Variants in TANC2 observed in about 807,000 individuals in gnomAD.
The protein encoded by TANC2 is tetratricopeptide repeat, ankyrin repeat and coiled-coil containing 2.
A neutral mutation model predicts 210.5 loss-of-function variants in TANC2; 26 were observed. The observed-to-expected ratio is 0.12, with a 90% CI of 0.09 to 0.17. TANC2 has a LOEUF of 0.17. Ranked by LOEUF, TANC2 falls within the 10% of genes least tolerant of loss-of-function variation. The pLI is 1.00. For missense variants in TANC2, 2,129 were observed against 2,608.9 expected, an observed-to-expected ratio of 0.82 and a Z score of 4.01; for synonymous variants, 931 against 967.1, an observed-to-expected ratio of 0.96 and a Z score of 0.69.
intron 5 of TANC2, 166 bp from the exon 6 acceptor site, chr17:63,193,825 G>A (rs914497400): frequency 1.3e-5 from 8 of 616,266 alleles, no homozygotes; most frequent in African/African-American, 5.7e-5. Context: ...ACTTGGAAGC[G>A]AATTTATATT....
intron 5 of TANC2, among the ~76,000 whole-genome samples, chr17:63,164,354 T>C (rs1182101887): frequency 6.6e-6 from 1 of 152,060 alleles, no homozygotes; most frequent in Non-Finnish European, 1.5e-5. Flanking sequence ...CCAGACCTCA[T>C]GAAAGTGGCA....
At chr17:62,985,713 G>A (rs1169219765) in intron 1 of TANC2, among the ~76,000 whole-genome samples, 1 of 151,724 alleles carries the variant, frequency 6.6e-6, no homozygotes, top group Non-Finnish European at 1.5e-5. Flanking sequence ...TTTGTATTTG[G>A]TTCTGTCTTA....
In TANC2 at chr17:63,232,631, C is replaced by G. The variant is rs1219975869; in HGVS notation, c.770-5183C>G. Among the ~76,000 whole-genome samples the G allele has an allele frequency of 3.3e-5, 5 of 152,354 alleles. No homozygotes were observed. In the East Asian group the frequency reaches 9.7e-4, roughly 29 times the overall value. On this transcript the variant is annotated intron_variant, in intron 7 of 27. Coordinates refer to ENST00000689528, the Ensembl canonical transcript of TANC2. ...CAAAGATGGCTGCCTGCTTCTTCCT[C>G]TAGGAGCTCCATCCCAGAGGGGCAC...
chr17:63,170,147 G>T (rs1289299918), intron 5 of TANC2, among the ~76,000 whole-genome samples: 1 of 150,588 alleles, frequency 6.6e-6, no homozygotes, highest in African/African-American at 2.4e-5. Context: ...AAATTTATTG[G>T]CGGGGCATGG....
chr17:63,188,489 A>C (rs768840846), intron 5 of TANC2, among the ~76,000 whole-genome samples: 1 of 150,008 alleles, frequency 6.7e-6, no homozygotes, highest in Non-Finnish European at 1.5e-5. Flanking sequence ...GCTACTGGGG[A>C]GGCTGAGGCA....
intron 5 of TANC2, among the ~76,000 whole-genome samples, chr17:63,184,704 A>G (rs1464113432): frequency 6.8e-6 from 1 of 148,116 alleles, no homozygotes; most frequent in Non-Finnish European, 1.5e-5. Flanking sequence ...CCCATGCTGG[A>G]GTGCAATGGC....
intron 11 of TANC2, among the ~76,000 whole-genome samples, chr17:63,322,506 A>AG (rs2045527396): frequency 6.6e-6 from 1 of 152,226 alleles, no homozygotes; most frequent in South Asian, 2.1e-4. Context: ...TCAAAAAAAA[A>AG]GAACAGACTA....
At chr17:63,228,065 GT>G (rs1446231041) in intron 7 of TANC2, among the ~76,000 whole-genome samples, 2 of 151,664 alleles carry the variant, frequency 1.3e-5, no homozygotes, top group Non-Finnish European at 2.9e-5. Context: ...GTTTCACTGT[GT>G]TGGCCAGGCT....
chr17:63,051,919 C>G (rs558177080), intron 2 of TANC2, among the ~76,000 whole-genome samples: 3 of 152,234 alleles, frequency 2.0e-5, no homozygotes, highest in African/African-American at 7.2e-5. Flanking sequence ...GTATTTTCAG[C>G]TTATGATATC....
chr17:63,126,563 C>T (rs551075411), intron 4 of TANC2, among the ~76,000 whole-genome samples: 1 of 152,172 alleles, frequency 6.6e-6, no homozygotes, highest in Non-Finnish European at 1.5e-5. Flanking sequence ...TGCATGCCAC[C>T]ACACTGGCTG....
chr17:63,247,022 G>A (rs2042937347), intron 8 of TANC2, among the ~76,000 whole-genome samples: 1 of 151,932 alleles, frequency 6.6e-6, no homozygotes. Context: ...GTTTTAATTT[G>A]CATTTTCCTA....
chr17:63,090,795 A>G (rs1376494448), intron 3 of TANC2, among the ~76,000 whole-genome samples: 5 of 152,220 alleles, frequency 3.3e-5, no homozygotes, highest in Non-Finnish European at 5.9e-5. Context: ...TGTCTTCCAC[A>G]GTGGTTGAAC....
rs536846301 is a variant in TANC2 at position 63,182,897 on chromosome 17, GA to G, written c.434-11091del. On this transcript the variant is annotated intron_variant, in intron 5 of 27. Coordinates refer to ENST00000689528, the Ensembl canonical transcript of TANC2. ...GTAACTCAACACACTCATTTGAACA[GA>G]AATGTTAAACTATAACAAGCACCAT... The G allele has an allele frequency of 4.6e-5, 7 of 152,466 alleles. No homozygotes were observed. In the South Asian group the frequency reaches 1.4e-3, roughly 32 times the overall value. The allele number at this position is 152,466 out of a possible 1,614,324, so 9.4% of individuals were successfully genotyped here.
At chr17:63,042,489 T>C (rs930263574) in intron 2 of TANC2, among the ~76,000 whole-genome samples, 5 of 152,122 alleles carry the variant, frequency 3.3e-5, no homozygotes, top group Non-Finnish European at 5.9e-5. Context: ...CTACTGTAAA[T>C]TTGCAATAGA....
intron 5 of TANC2, among the ~76,000 whole-genome samples, chr17:63,166,506 T>C (rs997076684): frequency 2.0e-5 from 3 of 152,246 alleles, no homozygotes; most frequent in African/African-American, 7.2e-5. Context: ...ATAAAACTTA[T>C]ATTCTTTATT....
At chr17:63,380,425 T>C (rs967233640) in intron 15 of TANC2, among the ~76,000 whole-genome samples, 3 of 152,244 alleles carry the variant, frequency 2.0e-5, no homozygotes, top group African/African-American at 7.2e-5. Flanking sequence ...TGTGCATGTA[T>C]GCATTCATTT....
At chr17:63,249,644 A>G (rs2043003132) in intron 8 of TANC2, among the ~76,000 whole-genome samples, 1 of 152,194 alleles carries the variant, frequency 6.6e-6, no homozygotes, top group African/African-American at 2.4e-5. Context: ...AATCAGGTAA[A>G]TACAGAACGG....
At chr17:63,133,019 G>A (rs913496626) in intron 4 of TANC2, among the ~76,000 whole-genome samples, 4 of 152,174 alleles carry the variant, frequency 2.6e-5, no homozygotes, top group African/African-American at 9.7e-5. Context: ...TGTCTCTCAG[G>A]CTGGAGGGCA....
chr17:63,420,041 G>T lies in TANC2; in HGVS notation c.4311G>T (p.Lys1437Asn). ...TAGAGGACCTGAACGAGGCCATCAAGCTGTGTCCCAACAACCGTGAGATCC... is the reference window on the plus strand; with the variant it reads ...TAGAGGACCTGAACGAGGCCATCAATCTGTGTCCCAACAACCGTGAGATCC... Residue 1437 changes from lysine to asparagine, a missense_variant, in exon 28 of 28, where the codon AAG becomes AAT. Physicochemically the swap from Lys to Asn is moderately conservative, Grantham distance 94. This residue lies in a region of TANC2 where 584 missense variants were observed against 627.3 expected (regional missense o/e 0.93). Coordinates refer to ENST00000689528, the Ensembl canonical transcript of TANC2. The surrounding 1 kb of genome is among the most constrained non-coding windows in gnomAD (Gnocchi z 4.2). 3 of 1,551,918 alleles carry T rather than the reference G, an allele frequency of 1.9e-6. No homozygotes were observed. Among genetic ancestry groups the T allele is most frequent in the Non-Finnish European group, 2.6e-6 (3 of 1,146,860 alleles).
Sources: allele counts gnomAD v4.1 joint callset (sites outside exome capture counted in the v4.1 genomes callset), GRCh38; gene constraint gnomAD v4.1.1; regional missense constraint gnomAD v4.1.1; non-coding constraint Gnocchi (gnomAD v3.1); transcripts MANE v1.5; gene names NCBI Gene and HGNC (gene_info 2026-07-23, HGNC 2026-07-21).